FGF12: variants seen among roughly 807,000 people sequenced by gnomAD.
FGF12 encodes fibroblast growth factor 12.
Under a neutral mutation model 23.6 loss-of-function variants are expected in FGF12, and 14 were observed. The ratio of observed to expected loss-of-function variants is 0.59; its 90% CI spans 0.39 to 0.93. The LOEUF (loss-of-function observed/expected upper bound fraction) is 0.93. Ranked by LOEUF, FGF12 falls within the 40% of genes least tolerant of loss-of-function variation. FGF12 has a pLI of 0.00. For missense variants in FGF12, 175 were observed against 217.8 expected (o/e 0.80, Z 1.24); for synonymous variants, 62 against 77.3 (o/e 0.80, Z 1.04).
At chr3:192,291,545 T>C (rs946017707) in intron 4 of FGF12, among the ~76,000 whole-genome samples, 1 of 151,496 alleles carries the variant, frequency 6.6e-6, no homozygotes, top group African/African-American at 2.4e-5. Flanking sequence ...GTTGCACCAA[T>C]GCATTCCTGC....
At chr3:192,438,071 T>C (rs1366346728) in intron 2 of FGF12, among the ~76,000 whole-genome samples, 1 of 152,224 alleles carries the variant, frequency 6.6e-6, no homozygotes, top group African/African-American at 2.4e-5. Flanking sequence ...CATTTTCAAT[T>C]GCCTTTTGTA....
intron 2 of FGF12, among the ~76,000 whole-genome samples, chr3:192,447,591 C>T (rs1722392234): frequency 6.6e-6 from 1 of 152,118 alleles, no homozygotes. Context: ...CAGACTTGGA[C>T]TCTAATCTGT....
At chr3:192,304,924 A>G (rs922554950) in intron 4 of FGF12, among the ~76,000 whole-genome samples, 2 of 152,220 alleles carry the variant, frequency 1.3e-5, no homozygotes, top group Non-Finnish European at 2.9e-5. Context: ...CACCCAAAGC[A>G]TCTAGCTCAC....
chr3:192,713,461 AAAAG>A (rs1163147983), intron 2 of FGF12, among the ~76,000 whole-genome samples: 2 of 152,204 alleles, frequency 1.3e-5, no homozygotes, highest in African/African-American at 4.8e-5. Flanking sequence ...TAAAAACAGA[AAAAG>A]AAAGAAGAAA....
intron 4 of FGF12, among the ~76,000 whole-genome samples, chr3:192,273,043 T>A (rs1713547216): frequency 6.6e-6 from 1 of 152,190 alleles, no homozygotes; most frequent in Non-Finnish European, 1.5e-5. Context: ...ACAGGTGAAG[T>A]GGATAGAGCC....
Position 192,590,305 on chromosome 3 carries a change from G to A in FGF12, c.13+136876C>T, listed in dbSNP as rs147883888. ...TCAAACCATGAAAAAAATTTGTAAA[G>A]CCTAAACTGCATTGCACATTGTCAT... On this transcript the variant is annotated intron_variant, in intron 2 of 5. Transcript: ENST00000445105. Among the ~76,000 whole-genome samples the A allele has an allele frequency of 6.4e-3, 970 of 151,910 alleles. 18 individuals carry two copies. Among genetic ancestry groups the A allele is most frequent in the African/African-American group, 0.022 (921 of 41,486 alleles).
intron 2 of FGF12, among the ~76,000 whole-genome samples, chr3:192,488,644 G>A (rs1398187422): frequency 6.6e-6 from 1 of 151,928 alleles, no homozygotes; most frequent in African/African-American, 2.4e-5. Context: ...GACCATCAAA[G>A]ACAAAAGTTA....
Position 192,617,323 on chromosome 3 carries a change from T to C in FGF12, c.13+109858A>G, listed in dbSNP as rs1360510055. Among the ~76,000 whole-genome samples, 5 of 151,640 alleles carry C rather than the reference T, an allele frequency of 3.3e-5. No individual in the cohort carries two copies. In the East Asian group the frequency reaches 7.8e-4, roughly 24 times the overall value. ...TTTCCAGGATCCCTCAGAAGGAAAGTGGGGGAGGTGGGAGGTTGGAGGATC... is the reference window on the plus strand; with the variant it reads ...TTTCCAGGATCCCTCAGAAGGAAAGCGGGGGAGGTGGGAGGTTGGAGGATC... On this transcript the variant is annotated intron_variant, in intron 2 of 5. Coordinates refer to ENST00000445105, the MANE Select transcript of FGF12 (RefSeq NM_004113.6).
chr3:192,394,208 T>C (rs1720424824), intron 2 of FGF12, among the ~76,000 whole-genome samples: 1 of 152,182 alleles, frequency 6.6e-6, no homozygotes, highest in Non-Finnish European at 1.5e-5. Context: ...CTAGTTCCAC[T>C]ATATTATTAA....
intron 2 of FGF12, among the ~76,000 whole-genome samples, chr3:192,382,491 G>A (rs1412739364): frequency 6.6e-6 from 1 of 151,520 alleles, no homozygotes; most frequent in Non-Finnish European, 1.5e-5. Flanking sequence ...GCCTTTCTTC[G>A]CTTACCAATT....
chr3:192,382,108 T>C (rs1719842714), intron 2 of FGF12, among the ~76,000 whole-genome samples: 1 of 152,106 alleles, frequency 6.6e-6, no homozygotes, highest in African/African-American at 2.4e-5. Context: ...GCCATTCTCC[T>C]GCCTCAGCCT....
At chr3:192,250,241 C>G (rs933476222) in intron 4 of FGF12, among the ~76,000 whole-genome samples, 11 of 151,938 alleles carry the variant, frequency 7.2e-5, no homozygotes, top group African/African-American at 2.7e-4. Context: ...GTTCTCTGGC[C>G]CTGGAAATGC....
intron 4 of FGF12, among the ~76,000 whole-genome samples, chr3:192,250,132 A>G (rs945977013): frequency 1.3e-5 from 2 of 152,200 alleles, no homozygotes; most frequent in African/African-American, 4.8e-5. Flanking sequence ...TGAGAATTCA[A>G]ATAACATTTA....
At position 192,409,607 on chromosome 3, in the gene FGF12, G is replaced by T. The variant is rs1156277518; in HGVS notation, c.14-49069C>A. ...GGCCGAGGAAGGAAGTGACCCGCGCGCTGCGAATACCCGCGCGTCCGCTCG... is the reference window on the plus strand; with the variant it reads ...GGCCGAGGAAGGAAGTGACCCGCGCTCTGCGAATACCCGCGCGTCCGCTCG... On this transcript the variant is annotated intron_variant, in intron 2 of 5. Transcript: ENST00000445105. The surrounding 1 kb of genome is among the most constrained non-coding windows in gnomAD (Gnocchi z 4.8). Among the ~76,000 whole-genome samples the T allele has an allele frequency of 1.3e-5, 2 of 152,202 alleles. No individual in the cohort carries two copies. Among genetic ancestry groups the T allele is most frequent in the African/African-American group, 4.8e-5 (2 of 41,464 alleles).
chr3:192,378,079 T>TTTCTTTC (rs1719635487), intron 2 of FGF12, among the ~76,000 whole-genome samples: 2 of 119,070 alleles, frequency 1.7e-5, no homozygotes, highest in Admixed American at 8.5e-5. Context: ...TCTTTCTTTC[T>TTTCTTTC]TTCTTTCTTT....
chr3:192,368,628 CA>C (rs1719089466), intron 2 of FGF12, among the ~76,000 whole-genome samples: 1 of 152,142 alleles, frequency 6.6e-6, no homozygotes, highest in African/African-American at 2.4e-5. Context: ...CAAGAGTCCA[CA>C]AACTATAGCC....
At chr3:192,377,345 A>T (rs572901638) in intron 2 of FGF12, among the ~76,000 whole-genome samples, 1 of 152,318 alleles carries the variant, frequency 6.6e-6, no homozygotes, top group African/African-American at 2.4e-5. Flanking sequence ...ACAGAAACTC[A>T]GTTCCTGCTC....
chr3:192,557,265 A>ATT (rs34519806), intron 2 of FGF12, among the ~76,000 whole-genome samples: 44 of 149,582 alleles, frequency 2.9e-4, no homozygotes, highest in South Asian at 4.2e-4. Flanking sequence ...AAAATTAAGA[A>ATT]TTTTTTTTTG....
At chr3:192,164,412 G>T (rs984316977) in intron 5 of FGF12, among the ~76,000 whole-genome samples, 1 of 152,120 alleles carries the variant, frequency 6.6e-6, no homozygotes, top group African/African-American at 2.4e-5. Flanking sequence ...CCTCATCAAC[G>T]CTCCTGTTCT....
Sources: allele counts gnomAD v4.1 joint callset (sites outside exome capture counted in the v4.1 genomes callset), GRCh38; gene constraint gnomAD v4.1.1; non-coding constraint Gnocchi (gnomAD v3.1); transcripts MANE v1.5; gene names NCBI Gene and HGNC (gene_info 2026-07-23, HGNC 2026-07-21).